PCSK6: variants seen among roughly 807,000 people sequenced by gnomAD.
PCSK6 encodes proprotein convertase subtilisin/kexin type 6.
Under a neutral mutation model 123.3 loss-of-function variants are expected in PCSK6, and 85 were observed. The observed-to-expected ratio is 0.69, with a 90% CI of 0.58 to 0.83. The LOEUF (loss-of-function observed/expected upper bound fraction) is 0.83, where lower values mean the gene tolerates loss of function less well. Ranked by LOEUF, PCSK6 falls within the 40% of genes least tolerant of loss-of-function variation. PCSK6 has a pLI of 0.00. For synonymous variants in PCSK6, 508 were observed against 516.0 expected (o/e 0.98, Z 0.21); for missense variants, 1,191 against 1,282.3 (o/e 0.93, Z 1.09).
At chr15:101,431,829 C>T (rs60227633) in intron 3 of PCSK6, among the ~76,000 whole-genome samples, 161 bp downstream of exon 3, 2,469 of 152,290 alleles carry the variant, frequency 0.016, 54 homozygotes, top group African/African-American at 0.052. Context: ...ACAGGAAAGC[C>T]GGTACTGCAC....
intron 15 of PCSK6, 76 bp from the exon 16 acceptor site, chr15:101,326,555 C>CA (rs1216331778): frequency 7.4e-7 from 1 of 1,351,638 alleles, no homozygotes; most frequent in African/African-American, 1.4e-5. Context: ...ATCCCTGTGT[C>CA]AGGATATCGC....
chr15:101,481,329 TG>T (rs1478560113), intron 1 of PCSK6, among the ~76,000 whole-genome samples: 11 of 124,386 alleles, frequency 8.8e-5, no homozygotes, highest in Non-Finnish European at 1.1e-4. Context: ...TGGTGACGGG[TG>T]GGAAGGCTGA....
At chr15:101,371,926 C>G (rs1024539303) in intron 11 of PCSK6, among the ~76,000 whole-genome samples, 8 of 152,184 alleles carry the variant, frequency 5.3e-5, no homozygotes, top group Non-Finnish European at 1.0e-4. Flanking sequence ...AAACTCAGGG[C>G]AGCTTTACCA....
chr15:101,456,086 T>C (rs113832174), intron 1 of PCSK6, among the ~76,000 whole-genome samples: 1,746 of 152,332 alleles, frequency 0.011, 25 homozygotes, highest in African/African-American at 0.035. Flanking sequence ...GCTTATGGAA[T>C]ATTTGCCAAT....
chr15:101,313,110 A>G (rs1294535317), intron 20 of PCSK6: 1 of 1,414,506 alleles, frequency 7.1e-7, no homozygotes, highest in Non-Finnish European at 9.4e-7. Flanking sequence ...GTAGTCCACC[A>G]ATGGGGTGTG....
intron 6 of PCSK6, among the ~76,000 whole-genome samples, chr15:101,426,904 T>C (rs1390005050): frequency 6.6e-6 from 1 of 152,176 alleles, no homozygotes; most frequent in Non-Finnish European, 1.5e-5. Context: ...GGTTTCCCAC[T>C]GCAGCCACCT....
At chr15:101,364,558 A>G (rs2041333545) in intron 13 of PCSK6, among the ~76,000 whole-genome samples, 1 of 152,250 alleles carries the variant, frequency 6.6e-6, no homozygotes, top group Admixed American at 6.5e-5. Flanking sequence ...TCCATTTGCA[A>G]TAGCATAAAA....
chr15:101,469,621 G>GC (rs1357522871), intron 1 of PCSK6, among the ~76,000 whole-genome samples: 1 of 152,198 alleles, frequency 6.6e-6, no homozygotes, highest in Non-Finnish European at 1.5e-5. Context: ...GAAGGACTGA[G>GC]CAGGGGTGTC....
intron 1 of PCSK6, among the ~76,000 whole-genome samples, chr15:101,483,824 T>A (rs1345775805): frequency 4.6e-5 from 7 of 152,256 alleles, no homozygotes; most frequent in Non-Finnish European, 8.8e-5. Flanking sequence ...TGTTTCTCTG[T>A]CACCATTTCC....
intron 6 of PCSK6, among the ~76,000 whole-genome samples, chr15:101,408,582 G>C (rs1378324308): frequency 6.6e-6 from 1 of 152,214 alleles, no homozygotes; most frequent in African/African-American, 2.4e-5. Context: ...AGGGGCCTTG[G>C]ATGTGTTGGG....
intron 6 of PCSK6, among the ~76,000 whole-genome samples, chr15:101,409,144 T>G (rs1208628155): frequency 6.6e-6 from 1 of 152,204 alleles, no homozygotes; most frequent in Non-Finnish European, 1.5e-5. Context: ...GATCCTGCCC[T>G]GTGGACTGGC....
intron 13 of PCSK6, chr15:101,337,110 T>C (rs541780409): frequency 1.2e-4 from 18 of 152,284 alleles, no homozygotes; most frequent in Admixed American, 1.1e-3. Flanking sequence ...GTTCACGCCA[T>C]TCTCCTGCCT....
At chr15:101,479,739 G>C (rs1008085276) in intron 1 of PCSK6, among the ~76,000 whole-genome samples, 1 of 152,184 alleles carries the variant, frequency 6.6e-6, no homozygotes, top group Admixed American at 6.5e-5. Flanking sequence ...TCTGGTGGGA[G>C]GGCCCTTATC....
Position 101,370,525 on chromosome 15 carries a change from TG to T in PCSK6, c.1533-3del. The T allele has an allele frequency of 6.8e-7, 1 of 1,472,564 alleles. No individual in the cohort carries two copies. The highest frequency in any genetic ancestry group is 9.1e-7 in the Non-Finnish European group (1 of 1,103,368). The allele number at this position is 1,472,564 out of a possible 1,614,324, so 91.2% of individuals were successfully genotyped here. ...AGCACCTGCACTAAGGGGATGCTCC[TG>T]GGGGAGAAGGGAGGGCTCAGCACTT... On this transcript the variant is annotated splice_region_variant and splice_polypyrimidine_tract_variant and intron_variant, in intron 11 of 21. Transcript: ENST00000611716.
chr15:101,466,885 G>A (rs999315358), intron 1 of PCSK6, among the ~76,000 whole-genome samples: 4 of 152,040 alleles, frequency 2.6e-5, no homozygotes, highest in Admixed American at 1.3e-4. Context: ...GACGGGGATA[G>A]CATTTCTTTC....
At chr15:101,318,543 A>G (rs2040046198) in intron 18 of PCSK6, 121 bp from the exon 19 acceptor site, 1 of 830,488 alleles carries the variant, frequency 1.2e-6, no homozygotes, top group Non-Finnish European at 2.0e-6. Context: ...TGTGTCACCG[A>G]AAGTTCTCAG....
At chr15:101,484,929 T>C (rs4965390) in intron 1 of PCSK6, among the ~76,000 whole-genome samples, 35,043 of 152,136 alleles carry the variant, frequency 0.23, 4,209 homozygotes, top group Middle Eastern at 0.3. Context: ...GACATTCTTA[T>C]ACAAGTCTCT....
In PCSK6 at chr15:101,384,402, A is replaced by G. The variant is rs568709595; in HGVS notation, c.1334T>C (p.Val445Ala). The G allele has an allele frequency of 6.2e-7, 1 of 1,613,794 alleles. No individual in the cohort carries two copies. The highest frequency in any genetic ancestry group is 1.3e-5 in the African/African-American group (1 of 75,020). ...GGATGTCTTCACTAGCAGGTGCTGG[A>G]CGTCCCTCCAGGTTAACTGGCTGCT... is the stretch of plus-strand genomic sequence containing the variant. ...EANSQLTWRD[V>A]QHLLVKTSRP... Residue 445 changes from valine (V) to alanine (A), a missense_variant, in exon 10 of 22, where the codon GTC becomes GCC. Val to Ala is a moderately conservative substitution (Grantham distance 64, BLOSUM62 0). Around this residue, in one of 3 missense-constraint regions of PCSK6, gnomAD observed 357 missense variants for 484.5 expected, o/e 0.74. Transcript: ENST00000611716.
chr15:101,318,962 G>A (rs138631478), intron 18 of PCSK6, among the ~76,000 whole-genome samples: 204 of 152,316 alleles, frequency 1.3e-3, no homozygotes, highest in African/African-American at 4.7e-3. Flanking sequence ...GTCAGATGCA[G>A]CCCCTACCTT....
Sources: gnomAD v4.1 joint callset for allele counts (sites outside exome capture counted in the v4.1 genomes callset) on GRCh38, gnomAD v4.1.1 for gene constraint, gnomAD v4.1.1 regional missense constraint, MANE v1.5 for transcripts, NCBI Gene and HGNC (gene_info 2026-07-23, HGNC 2026-07-21) for gene names.